Variants in SHISA9 observed in about 807,000 individuals in gnomAD.
The protein encoded by SHISA9 is shisa family member 9, also known as protein shisa-9.
SHISA9 carries 13 observed loss-of-function variants against 38.0 expected under a neutral mutation model. The ratio of observed to expected loss-of-function variants is 0.34; its 90% confidence interval spans 0.22 to 0.54. The LOEUF (loss-of-function observed/expected upper bound fraction) is 0.54. Among genes scored for constraint, SHISA9 ranks in the 20% least tolerant of loss-of-function variants. The probability of loss-of-function intolerance (pLI) is 0.91; values close to 1 mark genes in which losing one functional copy is unlikely to be tolerated. For synonymous variants in SHISA9, 275 were observed against 242.0 expected, an observed-to-expected ratio of 1.14 and a Z score of -1.27; for missense variants, 538 against 575.8, an observed-to-expected ratio of 0.93 and a Z score of 0.67.
chr16:13,275,916 T>C, the SHISA9 span, among the ~76,000 whole-genome samples: 1 of 151,978 alleles, frequency 6.6e-6, no homozygotes, highest in African/African-American at 2.4e-5. Context: ...TTTTTTATTT[T>C]TAAAAAAAAT....
At chr16:13,456,268 C>G in the SHISA9 span, among the ~76,000 whole-genome samples, 1 of 152,200 alleles carries the variant, frequency 6.6e-6, no homozygotes, top group Non-Finnish European at 1.5e-5. Context: ...AGACTGTGCA[C>G]TTCAACCTGT....
chr16:13,004,164 G>T (rs2072565492), intron 2 of SHISA9, among the ~76,000 whole-genome samples: 1 of 152,176 alleles, frequency 6.6e-6, no homozygotes, highest in African/African-American at 2.4e-5. Flanking sequence ...TCTTCTTTAA[G>T]CCTCCCTCAA....
chr16:13,359,094 A>G, the SHISA9 span, among the ~76,000 whole-genome samples: 1 of 30,454 alleles, frequency 3.3e-5, no homozygotes, highest in Non-Finnish European at 6.9e-5. Flanking sequence ...CTGAAGAAGA[A>G]TGTCCAGTTT....
the SHISA9 span, among the ~76,000 whole-genome samples, chr16:13,288,952 T>C: frequency 1.1e-3 from 162 of 152,296 alleles, 2 homozygotes; most frequent in Non-Finnish European, 5.3e-4. Flanking sequence ...AAGGCTTCAA[T>C]ATATGAATGA....
chr16:13,069,475 A>ATGTG (rs996890039), intron 2 of SHISA9, among the ~76,000 whole-genome samples: 6 of 151,808 alleles, frequency 4.0e-5, no homozygotes, highest in African/African-American at 1.5e-4. Context: ...GTGTATGTGT[A>ATGTG]TATGTGTACA....
chr16:13,126,935 GGA>G (rs200357712), intron 2 of SHISA9, among the ~76,000 whole-genome samples: 2,145 of 142,772 alleles, frequency 0.015, 60 homozygotes, highest in African/African-American at 0.052. Context: ...AAGGAGAGAG[GGA>G]GAGAGAGCTG....
the SHISA9 span, among the ~76,000 whole-genome samples, chr16:13,268,677 G>A: frequency 6.6e-6 from 1 of 152,098 alleles, no homozygotes; most frequent in East Asian, 1.9e-4. Context: ...CTTTTTTAGT[G>A]TAGTGGGCAC....
At chr16:13,518,378 C>T in the SHISA9 span, among the ~76,000 whole-genome samples, 13 of 152,158 alleles carry the variant, frequency 8.5e-5, no homozygotes, top group African/African-American at 3.1e-4. Context: ...GCAGTCACCC[C>T]ATGTTGACAC....
intron 2 of SHISA9, among the ~76,000 whole-genome samples, chr16:12,919,985 C>T (rs1369574888): frequency 6.6e-6 from 1 of 152,190 alleles, no homozygotes; most frequent in East Asian, 1.9e-4. Context: ...CTCCTGCACC[C>T]CGACTTCCCT....
chr16:13,344,881 C>T, the SHISA9 span, among the ~76,000 whole-genome samples: 2 of 152,128 alleles, frequency 1.3e-5, no homozygotes, highest in Admixed American at 6.5e-5. Context: ...GGCATTAGTC[C>T]TCTTGGCTTC....
At chr16:12,924,884 C>G (rs150812809) in intron 2 of SHISA9, among the ~76,000 whole-genome samples, 1,602 of 152,288 alleles carry the variant, frequency 0.011, 10 homozygotes, top group Middle Eastern at 0.048. Flanking sequence ...ATCAAATTCT[C>G]TGAACCTCAG....
intron 2 of SHISA9, among the ~76,000 whole-genome samples, chr16:12,982,549 C>T (rs1187491243): frequency 6.6e-6 from 1 of 152,202 alleles, no homozygotes; most frequent in African/African-American, 2.4e-5. Flanking sequence ...ACCCAATTCC[C>T]TGAAGTCCCC....
chr16:13,038,596 C>T (rs976346550), intron 2 of SHISA9, among the ~76,000 whole-genome samples: 1 of 152,206 alleles, frequency 6.6e-6, no homozygotes, highest in African/African-American at 2.4e-5. Context: ...GATCATCTCG[C>T]AGTTCATTCT....
chr16:12,967,307 G>A (rs953983115), intron 2 of SHISA9, among the ~76,000 whole-genome samples: 5 of 152,082 alleles, frequency 3.3e-5, no homozygotes, highest in Non-Finnish European at 7.3e-5. Context: ...ACTATGGCAA[G>A]GACAAAAAAC....
the SHISA9 span, among the ~76,000 whole-genome samples, chr16:13,548,290 G>A: frequency 1.6e-4 from 25 of 152,236 alleles, no homozygotes; most frequent in Admixed American, 6.5e-5. Context: ...ACTTTACAAC[G>A]TTGGTCTGGG....
chr16:13,199,860 C>CCCT (rs1250437201), intron 2 of SHISA9, among the ~76,000 whole-genome samples: 6 of 152,286 alleles, frequency 3.9e-5, no homozygotes, highest in Non-Finnish European at 5.9e-5. Context: ...GCACAATGAG[C>CCCT]CCTCGCTAGC....
intron 2 of SHISA9, among the ~76,000 whole-genome samples, chr16:12,955,986 G>C (rs975344732): frequency 2.6e-5 from 4 of 152,136 alleles, no homozygotes; most frequent in African/African-American, 9.7e-5. Context: ...CAGAATGGGA[G>C]AAAATATTTG....
At chr16:12,922,533 T>C (rs1222562766) in intron 2 of SHISA9, among the ~76,000 whole-genome samples, 2 of 152,222 alleles carry the variant, frequency 1.3e-5, no homozygotes, top group Non-Finnish European at 2.9e-5. Flanking sequence ...TTTTCTTTTC[T>C]TTTTGAGATG....
chr16:13,503,621 T>C, the SHISA9 span, among the ~76,000 whole-genome samples: 2 of 152,104 alleles, frequency 1.3e-5, no homozygotes, highest in Non-Finnish European at 2.9e-5. Context: ...CCCTACCACT[T>C]TTTTGGGCTA....
Sources: gnomAD v4.1 joint callset for allele counts (sites outside exome capture counted in the v4.1 genomes callset) on GRCh38, gnomAD v4.1.1 for gene constraint, MANE v1.5 for transcripts, NCBI Gene and HGNC (gene_info 2026-07-23, HGNC 2026-07-21) for gene names.